Variants in TCF7L1 observed in about 807,000 individuals in gnomAD.
TCF7L1 encodes transcription factor 7 like 1.
A neutral mutation model predicts 63.7 loss-of-function variants in TCF7L1; 18 were observed. The observed-to-expected ratio is 0.28, with a 90% CI of 0.20 to 0.42. The LOEUF (loss-of-function observed/expected upper bound fraction) is 0.42, where lower values mean the gene tolerates loss of function less well. Among genes scored for constraint, TCF7L1 ranks in the 10% least tolerant of loss-of-function variants. The pLI, the probability that TCF7L1 is intolerant of heterozygous loss-of-function variation, is 1.00. For synonymous variants in TCF7L1, 355 were observed against 340.9 expected, an observed-to-expected ratio of 1.04 and a Z score of -0.46; for missense variants, 654 against 779.3, an observed-to-expected ratio of 0.84 and a Z score of 1.91.
At chr2:85,279,142 C>T (rs1681354753) in intron 3 of TCF7L1, among the ~76,000 whole-genome samples, 1 of 152,192 alleles carries the variant, frequency 6.6e-6, no homozygotes, top group African/African-American at 2.4e-5. Context: ...TTTAACCTGC[C>T]CACATACCAT....
Position 85,309,296 on chromosome 2 carries a change from A to G in TCF7L1, c.1601A>G (p.Gln534Arg), listed in dbSNP as rs767827910. ...SAKAAASSSG[Q>R]MGSQPPLLSR... The stretch of plus-strand genomic sequence containing the variant: ...AAGGCTGCAGCCTCCTCCTCTGGGC[A>G]GATGGGCAGCCAGCCTCCCCTCCTG... The change falls in exon 12 of 12, where the codon CAG (glutamine) becomes CGG (arginine). Residue 534 changes from glutamine (Q) to arginine (R), a missense_variant. By Grantham distance (43) the Gln-to-Arg change is conservative. Transcript: ENST00000282111. 12 of 1,613,462 alleles carry G rather than the reference A, an allele frequency of 7.4e-6. No homozygotes were observed. Among genetic ancestry groups the G allele is most frequent in the Non-Finnish European group, 9.3e-6 (11 of 1,179,938 alleles).
chr2:85,294,575 T>C (rs979094442), intron 4 of TCF7L1, among the ~76,000 whole-genome samples: 5 of 152,158 alleles, frequency 3.3e-5, no homozygotes, highest in African/African-American at 1.2e-4. Context: ...TGGGTCACTC[T>C]CAGAAGCAAA....
chr2:85,197,351 C>T (rs1679182419), intron 3 of TCF7L1, among the ~76,000 whole-genome samples: 1 of 152,128 alleles, frequency 6.6e-6, no homozygotes, highest in African/African-American at 2.4e-5. Context: ...GCAGAGGTTA[C>T]AGTGCACCAC....
chr2:85,171,689 G>A (rs1278719308), intron 3 of TCF7L1, among the ~76,000 whole-genome samples: 1 of 152,216 alleles, frequency 6.6e-6, no homozygotes, highest in Admixed American at 6.5e-5. Flanking sequence ...ATAGAGCCAG[G>A]AAGTGAGGCT....
intron 3 of TCF7L1, among the ~76,000 whole-genome samples, chr2:85,243,775 C>T (rs1022004010): frequency 1.3e-5 from 2 of 152,120 alleles, no homozygotes. Context: ...GTGCCAGGCA[C>T]CTTAGAAAGG....
At chr2:85,136,538 G>A (rs1466076396) in intron 3 of TCF7L1, among the ~76,000 whole-genome samples, 4 of 152,096 alleles carry the variant, frequency 2.6e-5, no homozygotes, top group Admixed American at 2.0e-4. Context: ...CCCTGGCCCA[G>A]GCACCAGCCT....
rs1682117958 is a variant in TCF7L1 at position 85,306,723 on chromosome 2, G to GA, written c.1257+164_1257+165insA. 6.6e-6 allele frequency among the ~76,000 whole-genome samples: 1 copy of GA among 152,182 alleles called. No homozygotes were observed. The highest frequency in any genetic ancestry group is 1.5e-5 in the Non-Finnish European group (1 of 68,020). The stretch of plus-strand genomic sequence containing the variant: ...TCACCCAGGCTGGAGTGCATGCAGT[G>GA]GCGCGATCTCGGCTCACTGCAAGCT... On this transcript the variant is annotated intron_variant, in intron 10 of 11. Coordinates refer to ENST00000282111, the MANE Select transcript of TCF7L1 (RefSeq NM_031283.3). This position sits in a 1 kb window ranked among gnomAD's most constrained non-coding sequence, Gnocchi z 4.3.
intron 3 of TCF7L1, among the ~76,000 whole-genome samples, chr2:85,154,192 G>A (rs77050497): frequency 1.3e-3 from 193 of 152,282 alleles, no homozygotes; most frequent in African/African-American, 4.5e-3. Flanking sequence ...AGGCCATATC[G>A]TTTTATAGGC....
At chr2:85,208,777 A>G (rs1196709208) in intron 3 of TCF7L1, among the ~76,000 whole-genome samples, 2 of 152,198 alleles carry the variant, frequency 1.3e-5, no homozygotes, top group African/African-American at 4.8e-5. Context: ...CACATTTTTT[A>G]TATCTTCAAT....
chr2:85,289,734 C>T (rs1295388590), intron 4 of TCF7L1, among the ~76,000 whole-genome samples: 1 of 152,126 alleles, frequency 6.6e-6, no homozygotes, highest in Non-Finnish European at 1.5e-5. Flanking sequence ...TGCAGTGGCA[C>T]AAACTCAGCT....
chr2:85,228,547 G>A (rs1680006208), intron 3 of TCF7L1, among the ~76,000 whole-genome samples: 2 of 152,190 alleles, frequency 1.3e-5, no homozygotes, highest in Admixed American at 6.5e-5. Flanking sequence ...GACCTTGAAA[G>A]GGAGCGAAGA....
chr2:85,197,427 G>A (rs759006277), intron 3 of TCF7L1, among the ~76,000 whole-genome samples: 2 of 152,118 alleles, frequency 1.3e-5, no homozygotes, highest in African/African-American at 2.4e-5. Flanking sequence ...TTTCGGGAGT[G>A]GGGTGGCACA....
At chr2:85,216,438 G>A (rs966423452) in intron 3 of TCF7L1, among the ~76,000 whole-genome samples, 4 of 152,062 alleles carry the variant, frequency 2.6e-5, no homozygotes, top group East Asian at 1.9e-4. Flanking sequence ...TGGAGTTTTC[G>A]GAAACGATGG....
intron 3 of TCF7L1, among the ~76,000 whole-genome samples, chr2:85,186,993 A>C (rs1273027122): frequency 6.6e-6 from 1 of 152,206 alleles, no homozygotes; most frequent in Non-Finnish European, 1.5e-5. Flanking sequence ...ATGTTGGCTG[A>C]GTGTAGTTTG....
Position 85,134,529 on chromosome 2 carries a change from G to C in TCF7L1, c.441+79G>C, listed in dbSNP as rs1393044003. ...GCGCCCCCGGGCTTGGCCATGGAGT[G>C]GGGGATGGGGCCTTCTGCGCCGATC... On this transcript the variant is annotated intron_variant, in intron 3 of 11. Coordinates refer to ENST00000282111, the MANE Select transcript of TCF7L1 (RefSeq NM_031283.3). The surrounding 1 kb of genome is among the most constrained non-coding windows in gnomAD (Gnocchi z 5.0). The C allele has an allele frequency of 2.0e-6, 3 of 1,513,700 alleles. No homozygotes were observed. The South Asian group carries it at 3.8e-5, about 19-fold the overall frequency. 93.8% of individuals were successfully genotyped at this position (1,513,700 alleles called of 1,614,324 possible).
At chr2:85,253,817 C>T (rs1680646019) in intron 3 of TCF7L1, among the ~76,000 whole-genome samples, 1 of 152,192 alleles carries the variant, frequency 6.6e-6, no homozygotes, top group Admixed American at 6.5e-5. Flanking sequence ...ATACTAATAC[C>T]TTTTCAACAT....
At chr2:85,246,319 A>C (rs1429327133) in intron 3 of TCF7L1, among the ~76,000 whole-genome samples, 1 of 152,238 alleles carries the variant, frequency 6.6e-6, no homozygotes, top group African/African-American at 2.4e-5. Context: ...AAATGTGTCA[A>C]AATTGACAGG....
chr2:85,191,823 C>T (rs1679042554), intron 3 of TCF7L1, among the ~76,000 whole-genome samples: 1 of 140,546 alleles, frequency 7.1e-6, no homozygotes, highest in African/African-American at 2.8e-5. Flanking sequence ...GAAACTCCAT[C>T]TCAAAAAAAA....
intron 3 of TCF7L1, among the ~76,000 whole-genome samples, chr2:85,233,467 C>G (rs1680126830): frequency 6.6e-6 from 1 of 151,846 alleles, no homozygotes; most frequent in Non-Finnish European, 1.5e-5. Flanking sequence ...AGGCACACAC[C>G]ACCACGCCTG....
Sources: allele counts gnomAD v4.1 joint callset (sites outside exome capture counted in the v4.1 genomes callset), GRCh38; gene constraint gnomAD v4.1.1; non-coding constraint Gnocchi (gnomAD v3.1); transcripts MANE v1.5; gene names NCBI Gene and HGNC (gene_info 2026-07-23, HGNC 2026-07-21).